Variants in RSPO2 observed in about 807,000 individuals in gnomAD.
RSPO2 encodes the protein R-spondin 2, also known as R-spondin-2.
RSPO2 carries 14 observed loss-of-function variants against 30.9 expected under a neutral mutation model. That is an observed-to-expected ratio of 0.45 (90% CI 0.30 to 0.71). The LOEUF (loss-of-function observed/expected upper bound fraction) is 0.71. RSPO2 is among the 30% of genes least tolerant of loss of function. The pLI is 0.08. For synonymous variants in RSPO2, 107 were observed against 96.4 expected (o/e 1.11, Z -0.64); for missense variants, 264 against 301.9 (o/e 0.87, Z 0.93).
At chr8:107,933,273 C>T (rs887954801) in intron 5 of RSPO2, among the ~76,000 whole-genome samples, 9 of 152,230 alleles carry the variant, frequency 5.9e-5, no homozygotes, top group Middle Eastern at 3.4e-3. Context: ...ACAACCTAGT[C>T]CATGCACATG....
chr8:108,061,680 C>T (rs1243712055), intron 2 of RSPO2, among the ~76,000 whole-genome samples: 2 of 151,844 alleles, frequency 1.3e-5, no homozygotes, highest in East Asian at 1.9e-4. Context: ...CTGCACCAAG[C>T]GGACCTAACA....
chr8:108,001,316 C>T (rs1413086616), intron 2 of RSPO2, among the ~76,000 whole-genome samples: 1 of 152,170 alleles, frequency 6.6e-6, no homozygotes, highest in Non-Finnish European at 1.5e-5. Flanking sequence ...AAATTAAAAT[C>T]GTGAGACCTC....
intron 3 of RSPO2, among the ~76,000 whole-genome samples, chr8:107,987,094 A>G (rs1814669108): frequency 6.6e-6 from 1 of 152,166 alleles, no homozygotes; most frequent in South Asian, 2.1e-4. Flanking sequence ...TCTGCTAACG[A>G]CGTAACATCA....
intron 2 of RSPO2, among the ~76,000 whole-genome samples, chr8:108,016,654 T>C (rs1047403125): frequency 1.3e-5 from 2 of 152,196 alleles, no homozygotes; most frequent in African/African-American, 2.4e-5. Context: ...GCAAGGTTGA[T>C]ACGGTTTGGA....
intron 2 of RSPO2, among the ~76,000 whole-genome samples, chr8:108,069,339 G>A (rs1669425581): frequency 1.3e-5 from 2 of 151,938 alleles, no homozygotes; most frequent in East Asian, 1.9e-4. Flanking sequence ...TCAGCCTCCC[G>A]AGTAGCTAGG....
intron 5 of RSPO2, among the ~76,000 whole-genome samples, chr8:107,927,455 G>C (rs1413836873): frequency 1.3e-5 from 2 of 152,112 alleles, no homozygotes; most frequent in East Asian, 3.9e-4. Context: ...TGGTGAGAGA[G>C]GGCATCCCTG....
intron 2 of RSPO2, chr8:108,081,992 C>G: frequency 1.1e-6 from 1 of 925,306 alleles, no homozygotes; most frequent in Non-Finnish European, 1.3e-6. Flanking sequence ...AAGGGAGGTC[C>G]TCCCCCTCGA....
chr8:107,923,358 C>T (rs149161691), intron 5 of RSPO2, among the ~76,000 whole-genome samples: 27 of 152,170 alleles, frequency 1.8e-4, no homozygotes, highest in African/African-American at 6.5e-4. Flanking sequence ...AAATCAAAAC[C>T]ACAATGAGAT....
At chr8:108,029,781 G>A (rs1015786533) in intron 2 of RSPO2, among the ~76,000 whole-genome samples, 9 of 152,144 alleles carry the variant, frequency 5.9e-5, no homozygotes, top group African/African-American at 2.2e-4. Flanking sequence ...AGAGGGTATC[G>A]ACAGGAGTTA....
At chr8:108,004,281 A>C (rs574353314) in intron 2 of RSPO2, among the ~76,000 whole-genome samples, 35 of 152,322 alleles carry the variant, frequency 2.3e-4, no homozygotes, top group Non-Finnish European at 4.3e-4. Context: ...AAAGGCCAGC[A>C]CTTTTTACAG....
At chr8:107,985,541 C>G (rs1814594375) in intron 3 of RSPO2, among the ~76,000 whole-genome samples, 1 of 152,034 alleles carries the variant, frequency 6.6e-6, no homozygotes, top group Non-Finnish European at 1.5e-5. Context: ...AGGATAACGA[C>G]AAATACTCAT....
chr8:107,904,681 G>A (rs1479248697), intron 5 of RSPO2, among the ~76,000 whole-genome samples: 2 of 152,042 alleles, frequency 1.3e-5, no homozygotes, highest in African/African-American at 4.8e-5. Context: ...TTGTAACTGA[G>A]ATGTCTGGTA....
At chr8:108,078,666 C>A (rs1244084320) in intron 2 of RSPO2, among the ~76,000 whole-genome samples, 1 of 152,154 alleles carries the variant, frequency 6.6e-6, no homozygotes, top group African/African-American at 2.4e-5. Context: ...TTGTGACAAA[C>A]CCTTCCTTTT....
chr8:108,047,829 T>C (rs568152962), intron 2 of RSPO2, among the ~76,000 whole-genome samples: 1 of 143,884 alleles, frequency 7.0e-6, no homozygotes, highest in African/African-American at 2.6e-5. Flanking sequence ...CCAGCATGGG[T>C]GAGAGAGCAA....
At chr8:107,988,014 T>C (rs1412578623) in intron 3 of RSPO2, among the ~76,000 whole-genome samples, 1 of 152,174 alleles carries the variant, frequency 6.6e-6, no homozygotes, top group Admixed American at 6.6e-5. Context: ...GTCCCCTTTT[T>C]CTTATCCTTT....
At chr8:108,061,439 G>C (rs1478250863) in intron 2 of RSPO2, among the ~76,000 whole-genome samples, 3 of 151,624 alleles carry the variant, frequency 2.0e-5, no homozygotes, top group Non-Finnish European at 4.4e-5. Context: ...AGACAAAGAA[G>C]GCCATTACAT....
rs117954051 is a variant in RSPO2 at position 108,055,385 on chromosome 8, T to C, written c.94+27160A>G. On this transcript the variant is annotated intron_variant, in intron 2 of 5. Coordinates refer to ENST00000276659, the MANE Select transcript of RSPO2 (RefSeq NM_178565.5). ...AGGCTTCCAGGCTAGGCGAGGAGTT[T>C]GTTTTATTTGAGGTGTAATAGAAAT... 6.3e-3 allele frequency among the ~76,000 whole-genome samples: 959 copies of C among 152,110 alleles called. 10 individuals carry two copies. The highest frequency in any genetic ancestry group is 0.012 in the Non-Finnish European group (792 of 67,986).
At chr8:107,995,888 C>G (rs979723600) in intron 2 of RSPO2, among the ~76,000 whole-genome samples, 5 of 152,126 alleles carry the variant, frequency 3.3e-5, no homozygotes, top group African/African-American at 7.2e-5. Context: ...CTTTTATACT[C>G]ACTATGGTAT....
chr8:107,904,376 T>TTTGAG (rs1554625618), intron 5 of RSPO2, among the ~76,000 whole-genome samples: 1 of 150,460 alleles, frequency 6.6e-6, no homozygotes, highest in Non-Finnish European at 1.5e-5. Flanking sequence ...AAAAAAGAAG[T>TTTGAG]TTGAGTTTTA....
Sources: gnomAD v4.1 joint callset for allele counts (sites outside exome capture counted in the v4.1 genomes callset) on GRCh38, gnomAD v4.1.1 for gene constraint, MANE v1.5 for transcripts, NCBI Gene and HGNC (gene_info 2026-07-23, HGNC 2026-07-21) for gene names.